Variants in PTPRA observed in about 807,000 individuals in gnomAD.
The protein encoded by PTPRA is protein tyrosine phosphatase receptor type A, also known as receptor-type tyrosine-protein phosphatase alpha.
Under a neutral mutation model 104.8 loss-of-function variants are expected in PTPRA, and 25 were observed. That is an observed-to-expected ratio of 0.24 (90% CI 0.17 to 0.33). The LOEUF (loss-of-function observed/expected upper bound fraction) is 0.33, where lower values mean the gene tolerates loss of function less well. Among genes scored for constraint, PTPRA ranks in the 10% least tolerant of loss-of-function variants. The pLI is 1.00. For synonymous variants in PTPRA, 323 were observed against 368.9 expected, an observed-to-expected ratio of 0.88 and a Z score of 1.43; for missense variants, 765 against 1,015.3, an observed-to-expected ratio of 0.75 and a Z score of 3.35.
At chr20:2,984,862 C>T (rs1285255754) in intron 6 of PTPRA, among the ~76,000 whole-genome samples, 1 of 152,012 alleles carries the variant, frequency 6.6e-6, no homozygotes, top group Non-Finnish European at 1.5e-5. Context: ...TTATTTAGAG[C>T]TCTGCTTGTA....
Position 3,022,857 on chromosome 20 carries a change from G to A in PTPRA, c.1464+33G>A, listed in dbSNP as rs374488453. 1.4e-4 allele frequency: 224 copies of A among 1,613,636 alleles called. No individual in the cohort carries two copies. The highest frequency in any genetic ancestry group is 1.8e-4 in the Non-Finnish European group (208 of 1,179,774). On this transcript the variant is annotated intron_variant, in intron 16 of 23. Coordinates refer to ENST00000399903, the MANE Select transcript of PTPRA (RefSeq NM_001385305.1). The surrounding 1 kb of genome is among the most constrained non-coding windows in gnomAD (Gnocchi z 4.6). ...ATCTGTGGGTCAGGTGAGGGTGGGG[G>A]GTTCCAGGACTAAAACATCTGCCCA...
At chr20:3,021,835 G>C (rs2064885579) in intron 14 of PTPRA, among the ~76,000 whole-genome samples, 1 of 152,238 alleles carries the variant, frequency 6.6e-6, no homozygotes. Context: ...CCAAGGGGCA[G>C]TGTGGTACTG....
intron 5 of PTPRA, among the ~76,000 whole-genome samples, chr20:2,973,465 G>A (rs2062278724): frequency 1.3e-5 from 2 of 152,192 alleles, no homozygotes; most frequent in African/African-American, 4.8e-5. Context: ...CCAAAATTCA[G>A]TGACTTAAAT....
intron 11 of PTPRA, among the ~76,000 whole-genome samples, chr20:3,014,968 T>TA (rs928266687): frequency 1.3e-4 from 20 of 152,296 alleles, no homozygotes; most frequent in Admixed American, 1.1e-3. Flanking sequence ...CGAGGCTCCT[T>TA]ATCTGTTGAG....
chr20:2,983,766 G>A (rs1600212571), intron 6 of PTPRA, among the ~76,000 whole-genome samples: 1 of 152,040 alleles, frequency 6.6e-6, no homozygotes, highest in East Asian at 1.9e-4. Context: ...AACACAGAAA[G>A]CTTGTGTTGC....
chr20:2,866,010 A>G, the PTPRA span: 12 of 595,564 alleles, frequency 2.0e-5, no homozygotes, highest in Middle Eastern at 9.1e-4. Context: ...TCTCTGACAG[A>G]GCTTTGGTTT....
At chr20:2,892,939 T>C (rs2058857412) in intron 1 of PTPRA, among the ~76,000 whole-genome samples, 1 of 152,244 alleles carries the variant, frequency 6.6e-6, no homozygotes, top group African/African-American at 2.4e-5. Context: ...TGAAAAATGG[T>C]ATTCAGAAGG....
chr20:2,894,299 CCTTCT>C, intron 1 of PTPRA, among the ~76,000 whole-genome samples: 1 of 152,290 alleles, frequency 6.6e-6, no homozygotes, highest in South Asian at 2.1e-4. Context: ...AATGCCTCTT[CCTTCT>C]CTTCTCCTCC....
At chr20:2,926,769 CTTTT>C (rs777386962) in intron 2 of PTPRA, among the ~76,000 whole-genome samples, 30 of 85,026 alleles carry the variant, frequency 3.5e-4, no homozygotes, top group Admixed American at 4.7e-4. Flanking sequence ...TTTCCTTTTC[CTTTT>C]TTTTTTTTTT....
At chr20:3,001,003 ATTTT>A (rs894084853) in intron 9 of PTPRA, among the ~76,000 whole-genome samples, 1 of 151,820 alleles carries the variant, frequency 6.6e-6, no homozygotes, top group East Asian at 1.9e-4. Context: ...TGAAAAAAAA[ATTTT>A]TTTTTAACCG....
In PTPRA at chr20:3,023,195, C is replaced by T. The variant is rs2064965474; in HGVS notation, c.1464+371C>T. ...CAGTATGCTTGGTAAAAGTCATCGC[C>T]GTTCTCCAGTCTCAAGCACCCAGGG... On this transcript the variant is annotated intron_variant, in intron 16 of 23. Coordinates refer to ENST00000399903, the MANE Select transcript of PTPRA (RefSeq NM_001385305.1). 2.0e-5 allele frequency among the ~76,000 whole-genome samples: 3 copies of T among 152,288 alleles called. 1 individual carries two copies. The highest frequency in any genetic ancestry group is 4.1e-4 in the South Asian group (2 of 4,824).
intron 11 of PTPRA, among the ~76,000 whole-genome samples, chr20:3,009,875 G>A (rs1283243666): frequency 6.6e-6 from 1 of 151,018 alleles, no homozygotes; most frequent in Admixed American, 6.6e-5. Context: ...TCTGGAGACA[G>A]TCTCACCCCG....
chr20:2,921,649 G>A (rs1415730914), intron 1 of PTPRA, among the ~76,000 whole-genome samples: 1 of 152,064 alleles, frequency 6.6e-6, no homozygotes, highest in African/African-American at 2.4e-5. Context: ...GTTAATTTAT[G>A]TGCCAGCTGG....
At chr20:2,931,996 T>C (rs142240983) in intron 2 of PTPRA, among the ~76,000 whole-genome samples, 48 of 152,334 alleles carry the variant, frequency 3.2e-4, no homozygotes, top group African/African-American at 1.1e-3. Flanking sequence ...ATAAGAACTT[T>C]AACTTTTTTC....
intron 1 of PTPRA, among the ~76,000 whole-genome samples, chr20:2,905,709 T>G (rs2147150980): frequency 6.9e-6 from 1 of 145,086 alleles, no homozygotes; most frequent in African/African-American, 2.5e-5. Context: ...TTTTTTTTTT[T>G]TTTTTGCTCT....
chr20:2,865,297 C>T, the PTPRA span: 2 of 1,614,168 alleles, frequency 1.2e-6, no homozygotes, highest in Non-Finnish European at 1.7e-6. The surrounding 1 kb of genome is among the most constrained non-coding windows in gnomAD (Gnocchi z 5.2). Flanking sequence ...TGGCACGTGA[C>T]TTCCGCATCC....
At chr20:2,884,274 T>C (rs1293249362) in intron 1 of PTPRA, among the ~76,000 whole-genome samples, 1 of 152,192 alleles carries the variant, frequency 6.6e-6, no homozygotes, top group Non-Finnish European at 1.5e-5. Flanking sequence ...GGAGTAGGAT[T>C]GCTGGGTTAA....
At chr20:3,014,365 C>T (rs1016744596) in intron 11 of PTPRA, among the ~76,000 whole-genome samples, 4 of 152,160 alleles carry the variant, frequency 2.6e-5, no homozygotes, top group Non-Finnish European at 4.4e-5. Flanking sequence ...AGACCAGGCA[C>T]GGTGGCTCAC....
At chr20:3,018,510 A>G (rs1209689930) in intron 13 of PTPRA, among the ~76,000 whole-genome samples, 3 of 151,866 alleles carry the variant, frequency 2.0e-5, no homozygotes, top group Admixed American at 6.6e-5. Context: ...GAGTGGATAC[A>G]GCACATGTTT....
Sources: gnomAD v4.1 joint callset for allele counts (sites outside exome capture counted in the v4.1 genomes callset) on GRCh38, gnomAD v4.1.1 for gene constraint, Gnocchi (gnomAD v3.1) non-coding constraint, MANE v1.5 for transcripts, NCBI Gene and HGNC (gene_info 2026-07-23, HGNC 2026-07-21) for gene names.